UBAC2: variants seen among roughly 807,000 people sequenced by gnomAD.
UBAC2 encodes the protein ubiquitin-associated domain-containing protein 2.
A neutral mutation model predicts 44.0 loss-of-function variants in UBAC2; 26 were observed. That is an observed-to-expected ratio of 0.59 (90% CI 0.43 to 0.82). The LOEUF is 0.82. Among genes scored for constraint, UBAC2 ranks in the 40% least tolerant of loss-of-function variants. The pLI, the probability that UBAC2 is intolerant of heterozygous loss-of-function variation, is 0.00. For synonymous variants in UBAC2, 155 were observed against 154.3 expected (o/e 1.00, Z -0.04); for missense variants, 329 against 419.4 (o/e 0.78, Z 1.88).
intron 7 of UBAC2, among the ~76,000 whole-genome samples, chr13:99,347,325 C>A (rs940452458): frequency 1.3e-5 from 1 of 77,932 alleles, no homozygotes; most frequent in South Asian, 4.3e-4. Context: ...GGGCGCCCCC[C>A]CCCCCCCCCA....
At chr13:99,330,626 C>T (rs1594134471) in intron 6 of UBAC2, among the ~76,000 whole-genome samples, 1 of 151,818 alleles carries the variant, frequency 6.6e-6, no homozygotes, top group African/African-American at 2.4e-5. Flanking sequence ...TGTTTATATG[C>T]TTCTTCTTTC....
At chr13:99,215,906 G>C (rs1487661968) in intron 1 of UBAC2, 21 of 418,166 alleles carry the variant, frequency 5.0e-5, no homozygotes, top group Non-Finnish European at 2.5e-5. Context: ...AGAAAATCTT[G>C]ATGTGGTGCT....
rs774483995 is a variant in UBAC2 at position 99,340,303 on chromosome 13, G to A, written c.562-17G>A. The A allele has an allele frequency of 6.4e-7, 1 of 1,568,038 alleles. No individual in the cohort carries two copies. Among genetic ancestry groups the A allele is most frequent in the Non-Finnish European group, 8.7e-7 (1 of 1,147,424 alleles). On this transcript the variant is annotated splice_polypyrimidine_tract_variant and intron_variant, in intron 6 of 8. Coordinates refer to ENST00000403766, the MANE Select transcript of UBAC2 (RefSeq NM_001144072.2). ...AATACTACATTTAAACAATCACATT[G>A]GACGTTTTTCTTCTAGATGTCCGGT... is the stretch of plus-strand genomic sequence containing the variant.
At chr13:99,373,622 C>G (rs139641627) in intron 8 of UBAC2, among the ~76,000 whole-genome samples, 35 of 152,274 alleles carry the variant, frequency 2.3e-4, no homozygotes, top group African/African-American at 8.4e-4. Context: ...GCTGCTGAGG[C>G]CAAGAAAGGC....
chr13:99,325,304 C>T (rs551319432), intron 6 of UBAC2, among the ~76,000 whole-genome samples: 8 of 151,864 alleles, frequency 5.3e-5, no homozygotes, highest in Non-Finnish European at 1.2e-4. Context: ...GGGGTTTCAC[C>T]GTGTTAGGCA....
chr13:99,262,840 AT>A (rs1022225115), intron 4 of UBAC2, among the ~76,000 whole-genome samples: 44 of 152,012 alleles, frequency 2.9e-4, no homozygotes, highest in African/African-American at 1.1e-3. Flanking sequence ...GTACACAGCC[AT>A]TTGTATAGTA....
intron 4 of UBAC2, among the ~76,000 whole-genome samples, chr13:99,277,640 A>G (rs531797959): frequency 6.6e-6 from 1 of 152,350 alleles, no homozygotes; most frequent in South Asian, 2.1e-4. Context: ...AGTTACCTCT[A>G]CAATCATTCA....
intron 7 of UBAC2, among the ~76,000 whole-genome samples, chr13:99,345,257 A>G (rs920988013): frequency 1.3e-5 from 2 of 152,234 alleles, no homozygotes; most frequent in African/African-American, 4.8e-5. Flanking sequence ...TAAGCCTGAC[A>G]ATAGATTTCG....
intron 8 of UBAC2, chr13:99,377,776 A>G (rs889700956): frequency 3.9e-5 from 6 of 152,208 alleles, no homozygotes; most frequent in African/African-American, 1.4e-4. Flanking sequence ...CTGAGAGGTC[A>G]TGTTTATTGA....
intron 8 of UBAC2, among the ~76,000 whole-genome samples, chr13:99,373,317 C>T (rs972079275): frequency 1.3e-5 from 2 of 151,888 alleles, no homozygotes; most frequent in African/African-American, 2.4e-5. Flanking sequence ...TCTTCTGACC[C>T]TCCCAAAGCT....
At chr13:99,343,835 C>T (rs1001130380) in intron 7 of UBAC2, among the ~76,000 whole-genome samples, 1 of 152,146 alleles carries the variant, frequency 6.6e-6, no homozygotes, top group African/African-American at 2.4e-5. Flanking sequence ...AATTATCTGC[C>T]GTATTTGTGT....
intron 1 of UBAC2, among the ~76,000 whole-genome samples, chr13:99,219,764 G>A (rs2043034525): frequency 1.3e-5 from 2 of 152,122 alleles, no homozygotes; most frequent in Non-Finnish European, 2.9e-5. Flanking sequence ...TCTGCTTTCA[G>A]TCTGTATGGA....
rs1555321112 is a variant in UBAC2, at chr13:99,232,399, G to GAT, written c.32-6024_32-6023dup. On this transcript the variant is annotated intron_variant, in intron 1 of 8. Transcript: ENST00000403766. ...AGACCCTGTCCATCCTTAGTTGAGA[G>GAT]ATATAGATATATATATATATATTCA... 5.1e-3 allele frequency among the ~76,000 whole-genome samples: 559 copies of GAT among 109,952 alleles called. 39 individuals are homozygous for GAT. The highest frequency in any genetic ancestry group is 9.5e-3 in the Non-Finnish European group (447 of 47,250). The allele number at this position is 109,952 out of a possible 152,430, so 72.1% of individuals were successfully genotyped here. A position where few individuals can be genotyped will look rare whatever the true frequency, so the allele number is the denominator to read the frequency against.
chr13:99,304,815 T>G (rs745602534), intron 4 of UBAC2, among the ~76,000 whole-genome samples: 1 of 152,190 alleles, frequency 6.6e-6, no homozygotes, highest in Non-Finnish European at 1.5e-5. Flanking sequence ...GCTTCAGAAG[T>G]CACATTCAGT....
intron 6 of UBAC2, among the ~76,000 whole-genome samples, chr13:99,319,458 G>A (rs1187355875): frequency 2.6e-5 from 4 of 152,180 alleles, no homozygotes; most frequent in Non-Finnish European, 2.9e-5. Context: ...TGGGGCTAGT[G>A]TGTCATCCTG....
chr13:99,312,212 C>T lies in UBAC2; in HGVS notation c.390-1885C>T, dbSNP rs147370794. Among the ~76,000 whole-genome samples, 216 of 152,302 alleles carry T rather than the reference C, an allele frequency of 1.4e-3. 2 individuals are homozygous for T. The highest frequency in any genetic ancestry group is 4.9e-3 in the African/African-American group (205 of 41,554). The stretch of plus-strand genomic sequence containing the variant: ...AGTCTCTATCAAGGATGAGAAATTG[C>T]GCAAGAGGCCAGGAGGGTCCTGTGT... On this transcript the variant is annotated intron_variant, in intron 4 of 8. Coordinates refer to ENST00000403766, the MANE Select transcript of UBAC2 (RefSeq NM_001144072.2).
Position 99,243,891 on chromosome 13 carries a change from T to C in UBAC2, c.219T>C (p.Ser73=). Residue 73 remains serine, a synonymous_variant, in exon 3 of 9, where the codon AGT becomes AGC. Transcript: ENST00000403766. ...TTGATTTGAAAGATACTTTCTGCAG[T>C]AGTCTGCTTATTTATAATTTTAGGA... The part of the protein sequence containing the change: ...ICLDLKDTFC[S]SLLIYNFRIF... 3 of 1,563,824 alleles carry C rather than the reference T, an allele frequency of 1.9e-6. No homozygotes were observed. The highest frequency in any genetic ancestry group is 2.6e-6 in the Non-Finnish European group (3 of 1,151,174).
chr13:99,232,339 G>C (rs1326561874), intron 1 of UBAC2, among the ~76,000 whole-genome samples: 2 of 146,122 alleles, frequency 1.4e-5, no homozygotes, highest in Non-Finnish European at 3.0e-5. Flanking sequence ...ATAACCACTA[G>C]GGAAAATAAT....
In UBAC2 at chr13:99,295,927, C is replaced by G; in HGVS notation, c.390-18170C>G. The G allele has an allele frequency of 6.2e-7, 1 of 1,613,808 alleles. No individual in the cohort carries two copies. Among genetic ancestry groups the G allele is most frequent in the Non-Finnish European group, 8.5e-7 (1 of 1,179,844 alleles). ...TGGTAAAAAGTATATCAGAAATCAC[C>G]AAATTTGTTGAATAGAGGGTGGTAG... On this transcript the variant is annotated intron_variant, in intron 4 of 8. Coordinates refer to ENST00000403766, the MANE Select transcript of UBAC2 (RefSeq NM_001144072.2). The surrounding 1 kb of genome is among the most constrained non-coding windows in gnomAD (Gnocchi z 4.1).
Sources: gnomAD v4.1 joint callset for allele counts (sites outside exome capture counted in the v4.1 genomes callset) on GRCh38, gnomAD v4.1.1 for gene constraint, Gnocchi (gnomAD v3.1) non-coding constraint, MANE v1.5 for transcripts, NCBI Gene and HGNC (gene_info 2026-07-23, HGNC 2026-07-21) for gene names.